Variants in CAMTA1 observed in about 807,000 individuals in gnomAD.
CAMTA1 encodes the protein calmodulin-binding transcription activator 1.
A neutral mutation model predicts 170.9 loss-of-function variants in CAMTA1; 27 were observed. That is an observed-to-expected ratio of 0.16 (90% confidence interval 0.12 to 0.22). The LOEUF is 0.22. Among genes scored for constraint, CAMTA1 ranks in the 10% least tolerant of loss-of-function variants. The pLI, the probability that CAMTA1 is intolerant of heterozygous loss-of-function variation, is 1.00. For missense variants in CAMTA1, 1,619 were observed against 2,217.2 expected (o/e 0.73, Z 5.42); for synonymous variants, 833 against 891.5 (o/e 0.93, Z 1.17).
chr1:6,953,288 C>T (rs1688828003), intron 3 of CAMTA1, among the ~76,000 whole-genome samples: 1 of 152,206 alleles, frequency 6.6e-6, no homozygotes, highest in Non-Finnish European at 1.5e-5. Flanking sequence ...CTCTTTTCAC[C>T]ATGCATGTCC....
intron 5 of CAMTA1, among the ~76,000 whole-genome samples, chr1:7,370,916 T>TTTTTTTTC (rs2086397683): frequency 8.3e-6 from 1 of 120,972 alleles, no homozygotes; most frequent in African/African-American, 3.1e-5. Flanking sequence ...CTTTCTTTCT[T>TTTTTTTTC]TTTTTTTTTT....
intron 3 of CAMTA1, among the ~76,000 whole-genome samples, chr1:6,859,418 GAT>G (rs756491770): frequency 8.0e-4 from 121 of 152,168 alleles, no homozygotes; most frequent in Non-Finnish European, 9.6e-4. Context: ...TACAATAAGT[GAT>G]GCACTTAACA....
At chr1:7,730,368 C>T (rs2096722586) in intron 11 of CAMTA1, among the ~76,000 whole-genome samples, 2 of 152,176 alleles carry the variant, frequency 1.3e-5, no homozygotes, top group African/African-American at 4.8e-5. Flanking sequence ...AGCCCTGCCT[C>T]AGGGCCTTCG....
chr1:7,245,321 TTC>T (rs1021710325), intron 4 of CAMTA1, among the ~76,000 whole-genome samples: 2 of 151,334 alleles, frequency 1.3e-5, no homozygotes, highest in African/African-American at 4.8e-5. Flanking sequence ...TTTCATATAT[TTC>T]TGTCTTATAT....
At chr1:6,929,998 C>T (rs923983997) in intron 3 of CAMTA1, among the ~76,000 whole-genome samples, 1 of 152,214 alleles carries the variant, frequency 6.6e-6, no homozygotes, top group African/African-American at 2.4e-5. Context: ...TTGTCCCCTA[C>T]ACCAGGCTGT....
At chr1:7,745,143 A>G in intron 17 of CAMTA1, 121 bp downstream of exon 17, 1 of 969,354 alleles carries the variant, frequency 1.0e-6, no homozygotes. Flanking sequence ...GAAGGAAGGA[A>G]GCATGAGGAC....
intron 3 of CAMTA1, among the ~76,000 whole-genome samples, chr1:6,834,089 G>A (rs1651746703): frequency 6.6e-6 from 1 of 151,552 alleles, no homozygotes; most frequent in South Asian, 2.1e-4. Flanking sequence ...GCTTTTGAAG[G>A]TTTTCTTTAG....
At chr1:7,190,674 A>T (rs1046742126) in intron 4 of CAMTA1, among the ~76,000 whole-genome samples, 20 of 152,346 alleles carry the variant, frequency 1.3e-4, no homozygotes, top group African/African-American at 4.6e-4. Context: ...AAATAGAAAA[A>T]AACAAATATA....
chr1:7,508,218 C>T (rs772644859), intron 6 of CAMTA1, among the ~76,000 whole-genome samples: 7 of 152,168 alleles, frequency 4.6e-5, no homozygotes, highest in South Asian at 2.1e-4. Context: ...AGGGCAGTGC[C>T]GGGCCCGGGC....
At chr1:7,655,817 G>A (rs1160122206) in intron 7 of CAMTA1, among the ~76,000 whole-genome samples, 1 of 152,208 alleles carries the variant, frequency 6.6e-6, no homozygotes, top group Non-Finnish European at 1.5e-5. Context: ...CATAGAGCAG[G>A]GTTGGTGTGG....
rs889718235 is a variant in CAMTA1 at position 7,293,046 on chromosome 1, C to T, written c.438+43420C>T. Among the ~76,000 whole-genome samples, 6 of 152,164 alleles carry T rather than the reference C, an allele frequency of 3.9e-5. No homozygotes were observed. The highest frequency in any genetic ancestry group is 2.6e-4 in the Admixed American group (4 of 15,278). On this transcript the variant is annotated intron_variant, in intron 5 of 22. Transcript: ENST00000303635. The surrounding 1 kb of genome is among the most constrained non-coding windows in gnomAD (Gnocchi z 4.1). ...CACCCTAGGAAGTGGCAAGCTCCGG[C>T]GGGGTGTCCTACTCCCTGCTGGGTC...
intron 5 of CAMTA1, among the ~76,000 whole-genome samples, chr1:7,448,086 C>G (rs565895334): frequency 6.6e-6 from 1 of 152,218 alleles, no homozygotes; most frequent in Non-Finnish European, 1.5e-5. Context: ...TCATTCCAAA[C>G]GCATGTGTTT....
intron 4 of CAMTA1, among the ~76,000 whole-genome samples, chr1:7,205,883 A>G (rs919362225): frequency 6.6e-6 from 1 of 152,120 alleles, no homozygotes. Flanking sequence ...TTTAGAATTC[A>G]TTCTTGTGCT....
chr1:7,346,229 G>C lies in CAMTA1; in HGVS notation c.438+96603G>C, dbSNP rs2084207896. 2.0e-5 allele frequency among the ~76,000 whole-genome samples: 3 copies of C among 152,160 alleles called. No individual in the cohort carries two copies. In the South Asian group the frequency reaches 6.2e-4, roughly 32 times the overall value. On this transcript the variant is annotated intron_variant, in intron 5 of 22. Transcript: ENST00000303635. ...AAGGACACTGGAATCATGGATTCTG[G>C]TCCAGAATCCATGCTGCCTTGCTGT...
intron 6 of CAMTA1, among the ~76,000 whole-genome samples, chr1:7,613,746 G>C (rs1409638517): frequency 2.0e-5 from 3 of 149,214 alleles, no homozygotes; most frequent in Non-Finnish European, 3.0e-5. Flanking sequence ...GGCCGGACCC[G>C]GAGGAGTAGG....
intron 5 of CAMTA1, among the ~76,000 whole-genome samples, chr1:7,345,241 G>A (rs902259356): frequency 6.6e-6 from 1 of 152,182 alleles, no homozygotes; most frequent in Non-Finnish European, 1.5e-5. Context: ...TACAGTCAGT[G>A]TTCTCAATAT....
chr1:6,810,096 A>C (rs1204666893), intron 1 of CAMTA1, among the ~76,000 whole-genome samples: 1 of 152,216 alleles, frequency 6.6e-6, no homozygotes, highest in African/African-American at 2.4e-5. Context: ...CAGTGGCTTC[A>C]AACAGCCCAG....
At chr1:7,209,475 C>A (rs945054106) in intron 4 of CAMTA1, among the ~76,000 whole-genome samples, 1 of 152,176 alleles carries the variant, frequency 6.6e-6, no homozygotes, top group African/African-American at 2.4e-5. Flanking sequence ...TTAATTGCAT[C>A]TTTGATGGTG....
rs1419142122 is a variant in CAMTA1, at chr1:6,986,651, T to C, written c.235-104653T>C. Among the ~76,000 whole-genome samples the C allele has an allele frequency of 2.6e-5, 4 of 152,114 alleles. No individual in the cohort carries two copies. The East Asian group carries it at 7.7e-4, about 29-fold the overall frequency. On this transcript the variant is annotated intron_variant, in intron 3 of 22. Coordinates refer to ENST00000303635, the MANE Select transcript of CAMTA1 (RefSeq NM_015215.4). ...TGCTGGGGCTTGCAGAGAAATGCCA[T>C]CTTCTGGTCACCCCATTAACCCGGG...
Sources: gnomAD v4.1 joint callset for allele counts (sites outside exome capture counted in the v4.1 genomes callset) on GRCh38, gnomAD v4.1.1 for gene constraint, Gnocchi (gnomAD v3.1) non-coding constraint, MANE v1.5 for transcripts, NCBI Gene and HGNC (gene_info 2026-07-23, HGNC 2026-07-21) for gene names.